TMIE: variants seen among roughly 807,000 people sequenced by gnomAD.
The protein encoded by TMIE is transmembrane inner ear.
In TMIE, 14 loss-of-function variants were observed where a neutral mutation model predicts 16.8. The observed-to-expected ratio is 0.83, with a 90% CI of 0.55 to 1.30. TMIE has a LOEUF of 1.30. Among genes scored for constraint, TMIE ranks in the 50% most tolerant of loss-of-function variants. TMIE has a pLI of 0.00. For synonymous variants in TMIE, 75 were observed against 87.2 expected (o/e 0.86, Z 0.78); for missense variants, 204 against 205.9 (o/e 0.99, Z 0.06).
chr3:46,706,543 G>A (rs368026922), intron 2 of TMIE, among the ~76,000 whole-genome samples: 69 of 152,314 alleles, frequency 4.5e-4, no homozygotes, highest in African/African-American at 9.4e-4. Flanking sequence ...GAGGCCAAGT[G>A]GGGAGGCTGC....
intron 2 of TMIE, among the ~76,000 whole-genome samples, chr3:46,708,053 A>G (rs1700574838): frequency 6.6e-6 from 1 of 152,180 alleles, no homozygotes; most frequent in Non-Finnish European, 1.5e-5. Flanking sequence ...GTATGCCTGG[A>G]TGCTATTGGC....
At chr3:46,706,293 G>A (rs1203037900) in intron 2 of TMIE, among the ~76,000 whole-genome samples, 1 of 152,176 alleles carries the variant, frequency 6.6e-6, no homozygotes, top group Non-Finnish European at 1.5e-5. Context: ...TCCACTAGAG[G>A]CTCCCCAGAC....
chr3:46,700,865 C>A (rs1227804766), upstream of TMIE, among the ~76,000 whole-genome samples: 1 of 152,114 alleles, frequency 6.6e-6, no homozygotes, highest in African/African-American at 2.4e-5. Flanking sequence ...ATGCTGGCTT[C>A]TTCTGGAACC....
At chr3:46,695,344 G>A (rs1341586402) in intron 1 of TMIE, among the ~76,000 whole-genome samples, 1 of 152,214 alleles carries the variant, frequency 6.6e-6, no homozygotes, top group African/African-American at 2.4e-5. Flanking sequence ...TCCTCTTGCT[G>A]TGTGATCACA....
chr3:46,696,868 G>C (rs568573091), upstream of TMIE, among the ~76,000 whole-genome samples: 1 of 152,306 alleles, frequency 6.6e-6, no homozygotes, highest in East Asian at 1.9e-4. Context: ...CAGGGAGCAA[G>C]GGTGGGGGAC....
chr3:46,706,945 A>AG (rs1398449612), intron 2 of TMIE, among the ~76,000 whole-genome samples: 1 of 152,206 alleles, frequency 6.6e-6, no homozygotes, highest in Non-Finnish European at 1.5e-5. Flanking sequence ...CCCAGATGTG[A>AG]GGGGCTCCAA....
intron 1 of TMIE, among the ~76,000 whole-genome samples, chr3:46,703,665 C>CT (rs1700506010): frequency 6.6e-6 from 1 of 152,172 alleles, no homozygotes; most frequent in African/African-American, 2.4e-5. Context: ...AGAAAAGAGC[C>CT]TGAGAATCAG....
chr3:46,705,289 C>T (rs1336765640), intron 1 of TMIE, among the ~76,000 whole-genome samples: 1 of 152,172 alleles, frequency 6.6e-6, no homozygotes, highest in African/African-American at 2.4e-5. Context: ...GTAGGGTAGG[C>T]GACCAAAGGA....
At chr3:46,695,074 C>T (rs1032051782) in intron 1 of TMIE, among the ~76,000 whole-genome samples, 4 of 152,188 alleles carry the variant, frequency 2.6e-5, no homozygotes, top group South Asian at 2.1e-4. Context: ...TCCCCATGCC[C>T]TCCACCCCCA....
At chr3:46,704,415 TGGACCATGTCGCCTAGACACCCAGGGCA>T (rs1700519094) in intron 1 of TMIE, among the ~76,000 whole-genome samples, 1 of 118,598 alleles carries the variant, frequency 8.4e-6, no homozygotes. Context: ...AGACCCAGGG[TGGACCATGTCGCCTAGACACCCAGGGCA>T]GGACCATGTC....
At chr3:46,707,351 A>C (rs1005241738) in intron 2 of TMIE, among the ~76,000 whole-genome samples, 1 of 152,200 alleles carries the variant, frequency 6.6e-6, no homozygotes, top group Non-Finnish European at 1.5e-5. Flanking sequence ...CATCAACCAC[A>C]CAGACCATCT....
intron 1 of TMIE, among the ~76,000 whole-genome samples, chr3:46,705,338 T>C (rs1700537698): frequency 6.6e-6 from 1 of 152,156 alleles, no homozygotes; most frequent in Non-Finnish European, 1.5e-5. Context: ...GGCAGAACTA[T>C]GTGGCCCAGA....
chr3:46,706,586 C>T (rs1315744029), intron 2 of TMIE, among the ~76,000 whole-genome samples: 1 of 152,002 alleles, frequency 6.6e-6, no homozygotes, highest in Non-Finnish European at 1.5e-5. Context: ...GAGGTTCCCA[C>T]GAGGCAAAAG....
intron 2 of TMIE, 131 bp from the exon 3 acceptor site, chr3:46,708,995 T>G: frequency 4.9e-6 from 6 of 1,225,912 alleles, no homozygotes; most frequent in South Asian, 1.3e-5. Flanking sequence ...GTCAAGATGC[T>G]GAGCCTCCTG....
At chr3:46,706,544 G>A (rs1700554987) in intron 2 of TMIE, among the ~76,000 whole-genome samples, 1 of 152,222 alleles carries the variant, frequency 6.6e-6, no homozygotes, top group Non-Finnish European at 1.5e-5. Context: ...AGGCCAAGTG[G>A]GGAGGCTGCC....
At position 46,701,453 on chromosome 3, in the gene TMIE, T is replaced by A. The variant is rs767335746; in HGVS notation, c.-35T>A. 7.2e-6 allele frequency: 10 copies of A among 1,391,628 alleles called. No individual in the cohort carries two copies. In the South Asian group the frequency reaches 1.4e-4, roughly 19 times the overall value. 86.2% of individuals were successfully genotyped at this position (1,391,628 alleles called of 1,614,324 possible). On this transcript the variant is annotated 5_prime_UTR_variant, in exon 1 of 4. Coordinates refer to ENST00000643606, the MANE Select transcript of TMIE (RefSeq NM_147196.3). The surrounding 1 kb of genome is among the most constrained non-coding windows in gnomAD (Gnocchi z 4.3). ...CAGTGACCGGCGGCCGGCCCGTTCG[T>A]CCCTGGGCTCCGCAAGCGGCGCGGT... is the stretch of plus-strand genomic sequence containing the variant.
chr3:46,704,858 C>T (rs1284471469), intron 1 of TMIE, among the ~76,000 whole-genome samples: 1 of 150,900 alleles, frequency 6.6e-6, no homozygotes, highest in Non-Finnish European at 1.5e-5. Context: ...CCAGGGTGGA[C>T]CATGTCCCCT....
upstream of TMIE, among the ~76,000 whole-genome samples, chr3:46,697,338 A>C (rs1413023210): frequency 6.6e-6 from 1 of 151,740 alleles, no homozygotes; most frequent in South Asian, 2.1e-4. Context: ...GAGTCTTAAG[A>C]CCCTCCCCAG....
At chr3:46,698,981 G>A (rs114259022), upstream of TMIE, among the ~76,000 whole-genome samples, 2,391 of 150,064 alleles carry the variant, frequency 0.016, 37 homozygotes, top group Non-Finnish European at 0.025. Flanking sequence ...ACACTCAGCC[G>A]ACTTAAATTT....
Sources: allele counts gnomAD v4.1 joint callset (sites outside exome capture counted in the v4.1 genomes callset), GRCh38; gene constraint gnomAD v4.1.1; non-coding constraint Gnocchi (gnomAD v3.1); transcripts MANE v1.5; gene names NCBI Gene and HGNC (gene_info 2026-07-23, HGNC 2026-07-21).